The following WDR17 variants were observed in gnomAD, a reference collection of about 807,000 sequenced individuals.
WDR17 encodes the protein WD repeat-containing protein 17.
WDR17 carries 143 observed loss-of-function variants against 161.7 expected under a neutral mutation model. That is an observed-to-expected ratio of 0.88 (90% confidence interval 0.77 to 1.02). WDR17 has a LOEUF of 1.02. Among genes scored for constraint, WDR17 ranks in the 50% least tolerant of loss-of-function variants. WDR17 has a pLI of 0.00. For synonymous variants in WDR17, 517 were observed against 515.6 expected (o/e 1.00, Z -0.04); for missense variants, 1,469 against 1,520.9 (o/e 0.97, Z 0.57).
intron 2 of WDR17, among the ~76,000 whole-genome samples, chr4:176,115,201 A>G (rs1740405286): frequency 6.6e-6 from 1 of 152,078 alleles, no homozygotes. Context: ...GCTAAAAATG[A>G]TAGAGATTAA....
intron 5 of WDR17, among the ~76,000 whole-genome samples, chr4:176,126,616 C>CA (rs1024938662): frequency 6.6e-6 from 1 of 152,136 alleles, no homozygotes; most frequent in African/African-American, 2.4e-5. Flanking sequence ...TGCAGTGTGA[C>CA]AAGTACTATG....
chr4:176,089,063 A>AT (rs1735776535), intron 1 of WDR17, among the ~76,000 whole-genome samples: 1 of 152,080 alleles, frequency 6.6e-6, no homozygotes, highest in Non-Finnish European at 1.5e-5. Flanking sequence ...TAATTTCTGC[A>AT]TTTTCCCCTT....
chr4:176,075,684 A>G (rs1161477186), intron 1 of WDR17, among the ~76,000 whole-genome samples: 1 of 152,114 alleles, frequency 6.6e-6, no homozygotes, highest in Non-Finnish European at 1.5e-5. Context: ...TTCCCTTCAC[A>G]CATGTATGAT....
intron 4 of WDR17, among the ~76,000 whole-genome samples, chr4:176,122,742 A>G (rs1333275069): frequency 2.0e-5 from 3 of 152,162 alleles, no homozygotes; most frequent in African/African-American, 7.2e-5. Context: ...TCTTGCAGGA[A>G]CCTATGACCT....
intron 16 of WDR17, among the ~76,000 whole-genome samples, chr4:176,150,967 G>T (rs1370268345): frequency 1.3e-5 from 2 of 152,134 alleles, no homozygotes; most frequent in Non-Finnish European, 2.9e-5. Flanking sequence ...AGCTCTTAAT[G>T]AATTTCAGTA....
rs528392685 is a variant in WDR17, at chr4:176,181,886, G to C, written c.*2307G>C. On this transcript the variant is annotated 3_prime_UTR_variant, in exon 29 of 29. Transcript: ENST00000508596. ...ACAACAGAATAGCCACCCAATTTCTGTCTGAAATCTAAATTGGATGGATTT... is the reference window on the plus strand; with the variant it reads ...ACAACAGAATAGCCACCCAATTTCTCTCTGAAATCTAAATTGGATGGATTT... 1 of 151,992 alleles carries C rather than the reference G, an allele frequency of 6.6e-6. No homozygotes were observed. Among genetic ancestry groups the C allele is most frequent in the African/African-American group, 2.4e-5 (1 of 41,436 alleles). The allele number at this position is 151,992 out of a possible 1,614,324, so 9.4% of individuals were successfully genotyped here.
intron 20 of WDR17, 110 bp from the exon 21 acceptor site, chr4:176,161,965 G>A: frequency 2.2e-6 from 2 of 927,166 alleles, no homozygotes; most frequent in East Asian, 2.9e-5. Context: ...AAGCAAGCAT[G>A]TCAAATTAAA....
At chr4:176,076,211 T>C (rs1356235368) in intron 1 of WDR17, among the ~76,000 whole-genome samples, 6 of 24,282 alleles carry the variant, frequency 2.5e-4, no homozygotes, top group Non-Finnish European at 7.9e-4. Context: ...TGTTTACATA[T>C]ATAATATATA....
At position 176,181,982 on chromosome 4, in the gene WDR17, A is replaced by G. The variant is rs986623766; in HGVS notation, c.*2403A>G. 1 of 152,250 alleles carries G rather than the reference A, an allele frequency of 6.6e-6. No homozygotes were observed. The highest frequency in any genetic ancestry group is 2.1e-4 in the South Asian group (1 of 4,834). 9.4% of individuals were successfully genotyped at this position (152,250 alleles called of 1,614,324 possible). On this transcript the variant is annotated 3_prime_UTR_variant, in exon 29 of 29. Coordinates refer to ENST00000508596, the MANE Select transcript of WDR17 (RefSeq NM_181265.4). The stretch of plus-strand genomic sequence containing the variant: ...TTACCTATAACTATTAATTTTTCAT[A>G]GAATTATAAATGTCATTTGACTATG...
intron 28 of WDR17, 53 bp from the exon 29 acceptor site, chr4:176,179,407 T>A: frequency 7.2e-7 from 1 of 1,396,072 alleles, no homozygotes; most frequent in Non-Finnish European, 9.4e-7. Flanking sequence ...AGTTTAAAAA[T>A]ACTTTGCAAA....
At chr4:176,148,700 A>G (rs1430864932) in intron 13 of WDR17, among the ~76,000 whole-genome samples, 2 of 152,208 alleles carry the variant, frequency 1.3e-5, no homozygotes, top group Non-Finnish European at 2.9e-5. Context: ...TCCAGAGGTA[A>G]GTTGTTTAAC....
Position 176,141,977 on chromosome 4 carries a change from T to C in WDR17, c.1443-6T>C. ...TTTTCTATTAACATATTATAATTAATTCTAGTATTATTCGAACAATTGATG... is the reference window on the plus strand; with the variant it reads ...TTTTCTATTAACATATTATAATTAACTCTAGTATTATTCGAACAATTGATG... On this transcript the variant is annotated splice_region_variant and splice_polypyrimidine_tract_variant and intron_variant, in intron 10 of 28. Transcript: ENST00000508596. The C allele has an allele frequency of 6.3e-7, 1 of 1,576,038 alleles. No individual in the cohort carries two copies. Among genetic ancestry groups the C allele is most frequent in the African/African-American group, 1.4e-5 (1 of 74,068 alleles).
rs1211530044 is a variant in WDR17 at position 176,111,593 on chromosome 4, A to G, written c.13A>G (p.Arg5Gly). The change falls in exon 2 of 29, where the codon AGG becomes GGG. Residue 5 changes from arginine to glycine, a missense_variant. Physicochemically the swap from Arg to Gly is moderately radical, Grantham distance 125. Coordinates refer to ENST00000508596, the MANE Select transcript of WDR17 (RefSeq NM_181265.4). MSQV[R>G]QVGLLAAGCQ... ...TTTCAAGGCAAACATGTCCCAGGTA[A>G]GGCAAGTGGGATTGCTGGCTGCTGG... 1 of 1,606,110 alleles carries G rather than the reference A, an allele frequency of 6.2e-7. No individual in the cohort carries two copies. Among genetic ancestry groups the G allele is most frequent in the Non-Finnish European group, 8.5e-7 (1 of 1,176,534 alleles).
chr4:176,093,511 A>G (rs951155161), intron 1 of WDR17, among the ~76,000 whole-genome samples: 3 of 152,184 alleles, frequency 2.0e-5, no homozygotes, highest in Non-Finnish European at 4.4e-5. Context: ...ACTGATATTT[A>G]ATATTTTATT....
intron 7 of WDR17, among the ~76,000 whole-genome samples, chr4:176,132,562 T>A (rs781362106): frequency 4.6e-5 from 7 of 151,962 alleles, no homozygotes; most frequent in Non-Finnish European, 8.8e-5. Flanking sequence ...AAAGAATCAA[T>A]AATATTGTAT....
intron 6 of WDR17, among the ~76,000 whole-genome samples, chr4:176,129,219 A>G (rs910227519): frequency 6.6e-6 from 1 of 152,122 alleles, no homozygotes; most frequent in East Asian, 1.9e-4. Context: ...TGTTTTAAAC[A>G]TGGCTCATTT....
rs1375577387 is a variant in WDR17 at position 176,163,383 on chromosome 4, G to T, written c.2990+90G>T. ...ATTCCATTTGATAAGATATGCATTG[G>T]GAGAATATAGGATCACCTTGTTTAT... On this transcript the variant is annotated intron_variant, in intron 22 of 28. Transcript: ENST00000508596. 13 of 1,336,220 alleles carry T rather than the reference G, an allele frequency of 9.7e-6. No homozygotes were observed. The East Asian group carries it at 2.9e-4, about 30-fold the overall frequency. The allele number at this position is 1,336,220 out of a possible 1,614,324, so 82.8% of individuals were successfully genotyped here. A position where few individuals can be genotyped will look rare whatever the true frequency, so the allele number is the denominator to read the frequency against.
At position 176,142,032 on chromosome 4, in the gene WDR17, G is replaced by GC. The variant is rs772193933; in HGVS notation, c.1493dup (p.Ala499CysfsTer6). 5.0e-6 allele frequency: 8 copies of GC among 1,610,882 alleles called. No individual in the cohort carries two copies. Among genetic ancestry groups the GC allele is most frequent in the Non-Finnish European group, 6.8e-6 (8 of 1,178,216 alleles). The stretch of plus-strand genomic sequence containing the variant: ...AGTGCTACACAAATATAAACATCCA[G>GC]CTGCAGTGTTTGGTTGTGATTGGAG... On this transcript the variant is annotated frameshift_variant, in exon 11 of 29. Transcript: ENST00000508596. LOFTEE classifies it high-confidence loss of function.
chr4:176,082,941 T>A (rs1734943911), intron 1 of WDR17, among the ~76,000 whole-genome samples: 1 of 152,144 alleles, frequency 6.6e-6, no homozygotes, highest in Admixed American at 6.6e-5. Context: ...CAAGCCACTT[T>A]CATAAAAGAG....
Sources: gnomAD v4.1 joint callset for allele counts (sites outside exome capture counted in the v4.1 genomes callset) on GRCh38, gnomAD v4.1.1 for gene constraint, MANE v1.5 for transcripts, NCBI Gene and HGNC (gene_info 2026-07-23, HGNC 2026-07-21) for gene names.